The following PABIR3 variants were observed in gnomAD, a reference collection of about 807,000 sequenced individuals.
PABIR3 encodes PABIR family member 3, also known as PABIR family member 1.
A neutral mutation model predicts 23.1 loss-of-function variants in PABIR3; 20 were observed. The observed-to-expected ratio is 0.86, with a 90% CI of 0.61 to 1.26. The LOEUF is 1.26. Among genes scored for constraint, PABIR3 ranks in the 50% most tolerant of loss-of-function variants. The pLI is 0.00. For missense variants in PABIR3, 189 were observed against 195.4 expected (o/e 0.97, Z 0.20); for synonymous variants, 69 against 68.5 (o/e 1.01, Z -0.04).
intron 4 of PABIR3, among the ~76,000 whole-genome samples, chrX:134,840,538 T>C (rs2148317838): frequency 9.0e-6 from 1 of 110,876 alleles, no homozygotes; most frequent in South Asian, 3.8e-4. Context: ...CACCTCATCA[T>C]CCTCATTCTT....
upstream of PABIR3, chrX:134,804,193 A>G: frequency 1.7e-6 from 2 of 1,150,045 alleles, no homozygotes; most frequent in Non-Finnish European, 2.3e-6. Context: ...CAGTGTCCCA[A>G]GATCATGGCA....
At chrX:134,816,355 C>T (rs1244425094) in intron 3 of PABIR3, among the ~76,000 whole-genome samples, 1 of 111,564 alleles carries the variant, frequency 9.0e-6, no homozygotes, top group Admixed American at 9.5e-5. Flanking sequence ...GAGTTTTGCT[C>T]TTTTTGCCCA....
At chrX:134,857,303 C>T (rs893389309), downstream of PABIR3, among the ~76,000 whole-genome samples, 1 of 110,963 alleles carries the variant, frequency 9.0e-6, no homozygotes, top group African/African-American at 3.3e-5. Flanking sequence ...CCTTGGCTTA[C>T]GGATACATCA....
Position 134,814,838 on chromosome X carries a change from C to T in PABIR3, c.178C>T (p.Arg60Ter), listed in dbSNP as rs775229802. ...IRTNRTTFRN[R>*]RSLLLPPPPF... ...GACAAACAGAACAACATTTAGGAAT[C>T]GACGCTCTCTGGTAAGGAAATGCTT... Residue 60 changes from arginine to a stop codon, truncating the protein, a stop_gained, in exon 3 of 11, where the codon CGA (arginine) becomes TGA (stop). Transcript: ENST00000645433. LOFTEE classifies it high-confidence loss of function. 6 of 1,191,620 alleles carry T rather than the reference C, an allele frequency of 5.0e-6. No individual in the cohort carries two copies. Among genetic ancestry groups the T allele is most frequent in the Admixed American group, 2.3e-5 (1 of 44,115 alleles).
chrX:134,804,012 C>A, upstream of PABIR3: 1 of 268,471 alleles, frequency 3.7e-6, no homozygotes, highest in African/African-American at 2.8e-5. Context: ...CTTGTGGTAA[C>A]TAAAGGTTAC....
chrX:134,839,413 G>A (rs1324011102), intron 4 of PABIR3: 88 of 137,141 alleles, frequency 6.4e-4, no homozygotes, highest in Non-Finnish European at 1.1e-3. Flanking sequence ...GAGACCCTCC[G>A]CCTGGCAACC....
intron 4 of PABIR3, among the ~76,000 whole-genome samples, chrX:134,830,493 C>T (rs770536335): frequency 9.3e-6 from 1 of 107,841 alleles, no homozygotes; most frequent in African/African-American, 3.4e-5. Context: ...CCACCACGCC[C>T]GGCTAATTTT....
chrX:134,853,557 A>G (rs1479240683), intron 10 of PABIR3, among the ~76,000 whole-genome samples: 2 of 111,150 alleles, frequency 1.8e-5, no homozygotes, highest in Admixed American at 1.9e-4. Flanking sequence ...ATTGAAAAGC[A>G]TGCCTAAGAA....
At position 134,837,068 on chromosome X, in the gene PABIR3, G is replaced by A. The variant is rs923288469; in HGVS notation, c.246+7786G>A. 5.4e-5 allele frequency among the ~76,000 whole-genome samples: 6 copies of A among 110,811 alleles called. No individual in the cohort carries two copies. The East Asian group carries it at 8.5e-4, about 16-fold the overall frequency. On this transcript the variant is annotated intron_variant, in intron 4 of 10. Coordinates refer to ENST00000645433, the MANE Select transcript of PABIR3 (RefSeq NM_001388447.1). The stretch of plus-strand genomic sequence containing the variant: ...AAATTTTTTTTTTAATTTGCTGGCC[G>A]GGCACGGTGGCTCACGCCTGTAATC...
chrX:134,828,035 C>CTATA (rs1243730117), intron 3 of PABIR3, among the ~76,000 whole-genome samples: 9 of 71,375 alleles, frequency 1.3e-4, no homozygotes, highest in Non-Finnish European at 2.2e-4. Context: ...CTCTCTCTCT[C>CTATA]TCTCTCTCTC....
At chrX:134,843,562 CTTTTT>C (rs140467304) in intron 4 of PABIR3, among the ~76,000 whole-genome samples, 1 of 42,306 alleles carries the variant, frequency 2.4e-5, no homozygotes. Context: ...AGGCTTATTT[CTTTTT>C]TTTTTTTTTT....
intron 4 of PABIR3, among the ~76,000 whole-genome samples, chrX:134,842,343 T>C (rs2082261654): frequency 8.9e-6 from 1 of 112,133 alleles, no homozygotes; most frequent in Non-Finnish European, 1.9e-5. Context: ...GCGCGGTGGC[T>C]CACACCTGTA....
chrX:134,842,822 C>A (rs756918240), intron 4 of PABIR3, among the ~76,000 whole-genome samples: 1 of 108,722 alleles, frequency 9.2e-6, no homozygotes, highest in Non-Finnish European at 1.9e-5. Flanking sequence ...TGCTTGAATC[C>A]GGGAGGCAGA....
At chrX:134,808,334 C>T (rs1216771580) in intron 2 of PABIR3, among the ~76,000 whole-genome samples, 2 of 110,174 alleles carry the variant, frequency 1.8e-5, no homozygotes, top group Non-Finnish European at 3.8e-5. Context: ...GGATTACAGG[C>T]GCCCACCACC....
chrX:134,812,649 GA>G (rs1296706500), intron 2 of PABIR3, among the ~76,000 whole-genome samples: 11 of 111,594 alleles, frequency 9.9e-5, no homozygotes, highest in African/African-American at 3.6e-4. Flanking sequence ...GGAATTCAAA[GA>G]AGGAAGGGAG....
chrX:134,797,504 T>C (rs991642591), intron 1 of PABIR3, among the ~76,000 whole-genome samples: 10 of 112,548 alleles, frequency 8.9e-5, no homozygotes, highest in African/African-American at 2.6e-4. Flanking sequence ...TGATCCCCAC[T>C]CATGCCTTAA....
rs528388463 is a variant in PABIR3, at chrX:134,826,978, G to A, written c.190-2248G>A. On this transcript the variant is annotated intron_variant, in intron 3 of 10. Coordinates refer to ENST00000645433, the MANE Select transcript of PABIR3 (RefSeq NM_001388447.1). ...TATGTATTTATTTATTTATTTATTT[G>A]GAGATGGTGTCTTGCTCTGTTCCCC... Among the ~76,000 whole-genome samples, 69 of 110,908 alleles carry A rather than the reference G, an allele frequency of 6.2e-4. No individual in the cohort carries two copies. In the South Asian group the frequency reaches 0.025, roughly 41 times the overall value.
intron 2 of PABIR3, among the ~76,000 whole-genome samples, chrX:134,808,447 C>A (rs368934023): frequency 7.2e-5 from 8 of 111,717 alleles, no homozygotes; most frequent in African/African-American, 2.6e-4. Flanking sequence ...GTGGCGTGAT[C>A]TCGGCTCACT....
chrX:134,799,443 G>C (rs1045521975), intron 1 of PABIR3, among the ~76,000 whole-genome samples: 6 of 111,993 alleles, frequency 5.4e-5, no homozygotes, highest in African/African-American at 1.9e-4. Context: ...TTTAACATAG[G>C]GGACCAATGT....
Sources: gnomAD v4.1 joint callset for allele counts (sites outside exome capture counted in the v4.1 genomes callset) on GRCh38, gnomAD v4.1.1 for gene constraint, MANE v1.5 for transcripts, NCBI Gene and HGNC (gene_info 2026-07-23, HGNC 2026-07-21) for gene names.